The following CFD variants were observed in gnomAD, a reference collection of about 807,000 sequenced individuals.
The protein encoded by CFD is complement factor D, also known as C3 convertase activator.
CFD carries 24 observed loss-of-function variants against 21.1 expected under a neutral mutation model. The observed-to-expected ratio is 1.14, with a 90% confidence interval of 0.82 to 1.60. The LOEUF (loss-of-function observed/expected upper bound fraction) is 1.60. Ranked by LOEUF, CFD falls within the 40% of genes most tolerant of loss-of-function variation. CFD has a pLI of 0.00. For missense variants in CFD, 535 were observed against 383.3 expected, an observed-to-expected ratio of 1.40 and a Z score of -3.31; for synonymous variants, 242 against 175.9, an observed-to-expected ratio of 1.38 and a Z score of -2.97.
chr19:861,800 G>C lies in CFD; in HGVS notation c.459G>C (p.Trp153Cys). The change falls in exon 4 of 5, where the codon TGG becomes TGC. Residue 153 changes from tryptophan (W) to cysteine (C), a missense_variant. Transcript: ENST00000327726. Reference sequence around the variant, plus strand: ...GAACTCTCTGCGACGTGGCCGGCTGGGGCATAGTCAACCACGCGGGCCGCC... The same window carrying C: ...GAACTCTCTGCGACGTGGCCGGCTGCGGCATAGTCAACCACGCGGGCCGCC... ...APGTLCDVAG[W>C]GIVNHAGRRP... 1.2e-6 allele frequency: 2 copies of C among 1,604,574 alleles called. No individual in the cohort carries two copies. Among genetic ancestry groups the C allele is most frequent in the Non-Finnish European group, 8.5e-7 (1 of 1,179,188 alleles).
chr19:862,598 A>G (rs2035817615), intron 4 of CFD, among the ~76,000 whole-genome samples: 1 of 151,028 alleles, frequency 6.6e-6, no homozygotes. Context: ...GGCAGGGAAG[A>G]GAAGGGGTCC....
At position 861,851 on chromosome 19, in the gene CFD, C is replaced by G; in HGVS notation, c.510C>G (p.Leu170=). Residue 170 remains leucine, a synonymous_variant, in exon 4 of 5, where the codon CTC becomes CTG. Transcript: ENST00000327726. The part of the protein sequence containing the change: ...GRRPDSLQHV[L]LPVLDRATCN... ...GCCCGGACAGCCTGCAGCACGTGCTCTTGCCAGTGCTGGACCGCGCCACCT... is the reference window on the plus strand; with the variant it reads ...GCCCGGACAGCCTGCAGCACGTGCTGTTGCCAGTGCTGGACCGCGCCACCT... 8 of 1,598,664 alleles carry G rather than the reference C, an allele frequency of 5.0e-6. No individual in the cohort carries two copies. The highest frequency in any genetic ancestry group is 6.8e-6 in the Non-Finnish European group (8 of 1,178,084).
intron 1 of CFD, 72 bp downstream of exon 1, chr19:859,816 C>G (rs1334276513): frequency 1.6e-6 from 2 of 1,241,502 alleles, no homozygotes; most frequent in South Asian, 1.3e-5. Context: ...GTCACACGGA[C>G]GGTCCTCCAG....
Position 863,374 on chromosome 19 carries a change from G to C in CFD, c.*136G>C. ...GGGAGGCCGAGGTGGGAGGATCATT[G>C]GATCTCAGGAGTTCGAGATCAGCAT... On this transcript the variant is annotated 3_prime_UTR_variant, in exon 5 of 5. Coordinates refer to ENST00000327726, the MANE Select transcript of CFD (RefSeq NM_001928.4). 1 of 1,059,828 alleles carries C rather than the reference G, an allele frequency of 9.4e-7. No individual in the cohort carries two copies. Among genetic ancestry groups the C allele is most frequent in the Non-Finnish European group, 1.4e-6 (1 of 717,334 alleles). The allele number at this position is 1,059,828 out of a possible 1,614,324, so 65.7% of individuals were successfully genotyped here. A position where few individuals can be genotyped will look rare whatever the true frequency, so the allele number is the denominator to read the frequency against.
At chr19:862,151 G>A (rs1337999422) in intron 4 of CFD, among the ~76,000 whole-genome samples, 195 bp downstream of exon 4, 3 of 147,928 alleles carry the variant, frequency 2.0e-5, no homozygotes, top group African/African-American at 7.6e-5. Context: ...CGGGGCATGT[G>A]GGTAGGGTGG....
intron 4 of CFD, 74 bp downstream of exon 4, chr19:862,030 G>C (rs566487845): frequency 1.5e-4 from 226 of 1,492,534 alleles, no homozygotes; most frequent in African/African-American, 3.0e-4. Context: ...AGCGCGAAGC[G>C]GGGGGCAAGT....
chr19:861,944 G>A lies in CFD; in HGVS notation c.603G>A (p.Arg201=), dbSNP rs765984180. The A allele has an allele frequency of 5.2e-5, 81 of 1,550,226 alleles. No homozygotes were observed. The highest frequency in any genetic ancestry group is 6.1e-5 in the Non-Finnish European group (71 of 1,155,126). Residue 201 remains arginine (R), a synonymous_variant, in exon 4 of 5, where the codon CGG becomes CGA. Coordinates refer to ENST00000327726, the MANE Select transcript of CFD (RefSeq NM_001928.4). The part of the protein sequence containing the change: ...ERLMCAESNR[R]DSCKGDSGGP... ...TGATGTGCGCGGAGAGCAATCGCCG[G>A]GACAGCTGCAAGGTGAGCCTTCAGG...
chr19:862,289 T>G (rs1288385731), intron 4 of CFD, among the ~76,000 whole-genome samples: 1 of 10,284 alleles, frequency 9.7e-5, no homozygotes, highest in Non-Finnish European at 1.9e-4. Flanking sequence ...AGGGTGGGAA[T>G]AGGGGGCGGG....
intron 4 of CFD, among the ~76,000 whole-genome samples, chr19:862,516 C>T (rs1242294783): frequency 1.5e-3 from 3 of 1,998 alleles, no homozygotes; most frequent in African/African-American, 4.1e-3. Flanking sequence ...GGCATGGGGA[C>T]GGGGCGGGGC....
intron 1 of CFD, among the ~76,000 whole-genome samples, chr19:860,321 G>A (rs1246383815): frequency 2.0e-5 from 3 of 151,928 alleles, no homozygotes; most frequent in Non-Finnish European, 4.4e-5. Context: ...CTTCCGAATA[G>A]CTGAGATTAT....
chr19:860,817 G>T, intron 2 of CFD, 44 bp downstream of exon 2: 1 of 1,556,132 alleles, frequency 6.4e-7, no homozygotes, highest in East Asian at 2.4e-5. Flanking sequence ...GGTGCGGTGG[G>T]GGGAGTCGGC....
chr19:863,025 G>T, intron 4 of CFD, 67 bp from the exon 5 acceptor site: 1 of 1,428,392 alleles, frequency 7.0e-7, no homozygotes. Context: ...AGCCAGGTGA[G>T]GGGGTCTAAC....
At chr19:861,135 C>T (rs2035786162) in intron 3 of CFD, 130 bp downstream of exon 3, 1 of 701,322 alleles carries the variant, frequency 1.4e-6, no homozygotes, top group Non-Finnish European at 2.5e-6. Flanking sequence ...CGCCCCACAA[C>T]CCCCACACCC....
rs1230676799 is a variant in CFD at position 860,790 on chromosome 19, C to G, written c.212+17C>G. On this transcript the variant is annotated intron_variant, in intron 2 of 4. Coordinates refer to ENST00000327726, the MANE Select transcript of CFD (RefSeq NM_001928.4). ...GGAGGACGCGTGAGTGCCCGCGCCG[C>G]GCGGGGGAAGAGCCCGGGTGCGGTG... 1.3e-6 allele frequency: 2 copies of G among 1,560,302 alleles called. No individual in the cohort carries two copies. The highest frequency in any genetic ancestry group is 2.7e-5 in the African/African-American group (2 of 73,742).
intron 3 of CFD, 71 bp from the exon 4 acceptor site, chr19:861,628 C>A: frequency 6.5e-7 from 1 of 1,531,752 alleles, no homozygotes; most frequent in Non-Finnish European, 8.8e-7. Flanking sequence ...TCCCGTCTCC[C>A]CGAGCCTAGC....
In CFD at chr19:861,869, C is replaced by T. The variant is rs545543006; in HGVS notation, c.528C>T (p.Arg176=). ...ACGTGCTCTTGCCAGTGCTGGACCG[C>T]GCCACCTGCAACCGGCGCACGCACC... ...LQHVLLPVLD[R]ATCNRRTHHD... The change falls in exon 4 of 5, where the codon CGC becomes CGT. Residue 176 remains arginine, a synonymous_variant. Transcript: ENST00000327726. 1 of 1,594,796 alleles carries T rather than the reference C, an allele frequency of 6.3e-7. No individual in the cohort carries two copies. Among genetic ancestry groups the T allele is most frequent in the Admixed American group, 1.7e-5 (1 of 59,222 alleles).
chr19:860,430 AC>A (rs57197777), intron 1 of CFD, among the ~76,000 whole-genome samples, 186 bp from the exon 2 acceptor site: 1,663 of 140,432 alleles, frequency 0.012, 22 homozygotes, highest in African/African-American at 0.028. Context: ...CATGATCTGC[AC>A]CCCCCCCTCC....
At position 861,773 on chromosome 19, in the gene CFD, G is replaced by A. The variant is rs753907002; in HGVS notation, c.432G>A (p.Pro144=). The A allele has an allele frequency of 7.5e-6, 12 of 1,606,030 alleles. No individual in the cohort carries two copies. The South Asian group carries it at 1.1e-4, about 15-fold the overall frequency. ...PWQRVDRDVA[P]GTLCDVAGWG... ...AGCGCGTGGACCGCGACGTGGCACC[G>A]GGAACTCTCTGCGACGTGGCCGGCT... is the stretch of plus-strand genomic sequence containing the variant. Residue 144 remains proline, a synonymous_variant, in exon 4 of 5, where the codon CCG becomes CCA. Transcript: ENST00000327726.
rs1372690617 is a variant in CFD at position 861,964 on chromosome 19, T to G, written c.615+8T>G. The G allele has an allele frequency of 6.5e-7, 1 of 1,540,370 alleles. No individual in the cohort carries two copies. Among genetic ancestry groups the G allele is most frequent in the East Asian group, 2.4e-5 (1 of 41,420 alleles). Reference sequence around the variant, plus strand: ...CGCCGGGACAGCTGCAAGGTGAGCCTTCAGGCCTGGGAGGAGACGCGGGGC... The same window carrying G: ...CGCCGGGACAGCTGCAAGGTGAGCCGTCAGGCCTGGGAGGAGACGCGGGGC... On this transcript the variant is annotated splice_region_variant and intron_variant, in intron 4 of 4. Coordinates refer to ENST00000327726, the MANE Select transcript of CFD (RefSeq NM_001928.4).
Sources: gnomAD v4.1 joint callset for allele counts (sites outside exome capture counted in the v4.1 genomes callset) on GRCh38, gnomAD v4.1.1 for gene constraint, MANE v1.5 for transcripts, NCBI Gene and HGNC (gene_info 2026-07-23, HGNC 2026-07-21) for gene names.